The following CHAMP1 variants were observed in gnomAD, a reference collection of about 807,000 sequenced individuals.
CHAMP1 encodes the protein chromosome alignment maintaining phosphoprotein 1.
CHAMP1 carries 4 observed loss-of-function variants against 54.5 expected under a neutral mutation model. The ratio of observed to expected loss-of-function variants is 0.07; its 90% confidence interval spans 0.04 to 0.17. The LOEUF is 0.17. Ranked by LOEUF, CHAMP1 falls within the 10% of genes least tolerant of loss-of-function variation. The probability of loss-of-function intolerance (pLI) is 1.00; values close to 1 mark genes in which losing one functional copy is unlikely to be tolerated. For synonymous variants in CHAMP1, 368 were observed against 342.2 expected, an observed-to-expected ratio of 1.08 and a Z score of -0.83; for missense variants, 994 against 968.6, an observed-to-expected ratio of 1.03 and a Z score of -0.35.
At chr13:114,318,857 CTTTTTTTTTTTT>C (rs56669844) in intron 1 of CHAMP1, among the ~76,000 whole-genome samples, 11 of 24,158 alleles carry the variant, frequency 4.6e-4, no homozygotes, top group Admixed American at 5.4e-4. Context: ...TCCTGGTTGC[CTTTTTTTTTTTT>C]TTTTTTTTTT....
At chr13:114,316,404 C>T (rs1341515517) in intron 1 of CHAMP1, among the ~76,000 whole-genome samples, 1 of 151,656 alleles carries the variant, frequency 6.6e-6, no homozygotes, top group East Asian at 2.0e-4. Flanking sequence ...CTTAGGTGAT[C>T]CGCCCACCTT....
At chr13:114,315,208 A>G (rs2087080841) in intron 1 of CHAMP1, among the ~76,000 whole-genome samples, 1 of 152,182 alleles carries the variant, frequency 6.6e-6, no homozygotes, top group Admixed American at 6.5e-5. Context: ...GGAAATGCAG[A>G]TGAAAACCAC....
chr13:114,314,505 G>T lies in CHAMP1; in HGVS notation c.-317G>T, dbSNP rs2087068901. ...GTCCCGCGGGAGCGCGCACGCTCGC[G>T]CACCCGGATCCCGGCTCCTGCATCC... On this transcript the variant is annotated 5_prime_UTR_variant, in exon 1 of 3. Coordinates refer to ENST00000361283, the MANE Select transcript of CHAMP1 (RefSeq NM_032436.4). 1 of 151,768 alleles carries T rather than the reference G, an allele frequency of 6.6e-6. No individual in the cohort carries two copies. Among genetic ancestry groups the T allele is most frequent in the South Asian group, 2.1e-4 (1 of 4,836 alleles). 9.4% of individuals were successfully genotyped at this position (151,768 alleles called of 1,614,324 possible).
chr13:114,325,853 A>G lies in CHAMP1; in HGVS notation c.2011A>G (p.Met671Val), dbSNP rs782333083. 1 of 1,614,188 alleles carries G rather than the reference A, an allele frequency of 6.2e-7. No individual in the cohort carries two copies. The highest frequency in any genetic ancestry group is 2.2e-5 in the East Asian group (1 of 44,878). The change falls in exon 3 of 3, where the codon ATG becomes GTG. Residue 671 changes from methionine (M) to valine (V), a missense_variant. Coordinates refer to ENST00000361283, the MANE Select transcript of CHAMP1 (RefSeq NM_032436.4). ...CATTGATTTTAGCAAAGAGAACAAA[A>G]TGGACATGACTAGTCCAGAGCAGTC... Reference protein sequence around the residue: ...ESIDFSKENKMDMTSPEQSRN... With the variant: ...ESIDFSKENKVDMTSPEQSRN...
chr13:114,326,292 T>C lies in CHAMP1; in HGVS notation c.*11T>C. On this transcript the variant is annotated 3_prime_UTR_variant, in exon 3 of 3. Transcript: ENST00000361283. ...GAGCAGCAAATTTGATAACACAGTGTGAATATTTGTTCTACAAAGGTGTTT... is the reference window on the plus strand; with the variant it reads ...GAGCAGCAAATTTGATAACACAGTGCGAATATTTGTTCTACAAAGGTGTTT... 1 of 1,550,692 alleles carries C rather than the reference T, an allele frequency of 6.4e-7. No homozygotes were observed. The highest frequency in any genetic ancestry group is 1.3e-5 in the South Asian group (1 of 79,922).
chr13:114,325,201 T>C lies in CHAMP1; in HGVS notation c.1359T>C (p.Pro453=), dbSNP rs782609105. 1 of 1,614,214 alleles carries C rather than the reference T, an allele frequency of 6.2e-7. No individual in the cohort carries two copies. Among genetic ancestry groups the C allele is most frequent in the South Asian group, 1.1e-5 (1 of 91,090 alleles). ...CACCAGATCTTTGGAAGCTTTCTCC[T>C]GATCAGCGGAAAACTTCTCCTGCTT... is the stretch of plus-strand genomic sequence containing the variant. ...SGSPDLWKLS[P]DQRKTSPASL... Residue 453 remains proline (P), a synonymous_variant, in exon 3 of 3, where the codon CCT becomes CCC. Transcript: ENST00000361283.
intron 1 of CHAMP1, among the ~76,000 whole-genome samples, chr13:114,317,511 C>G (rs1446450456): frequency 1.7e-4 from 26 of 152,010 alleles, no homozygotes; most frequent in Admixed American, 1.7e-3. Context: ...ATGGTCCCAG[C>G]TACTTAGGAG....
Position 114,325,460 on chromosome 13 carries a change from C to G in CHAMP1, c.1618C>G (p.Pro540Ala), listed in dbSNP as rs1413552622. The change falls in exon 3 of 3, where the codon CCT becomes GCT. Residue 540 changes from proline to alanine, a missense_variant. Pro to Ala is a conservative substitution (Grantham distance 27). Around this residue, in one of 3 missense-constraint regions of CHAMP1, gnomAD observed 851 missense variants for 701.3 expected, o/e 1.21. Coordinates refer to ENST00000361283, the MANE Select transcript of CHAMP1 (RefSeq NM_032436.4). ...LFPEPAKTAP[P>A]ASPEARKRAL... is the part of the protein sequence containing the mutation. ...TCCCGAGCCTGCCAAAACAGCCCCT[C>G]CTGCTTCTCCAGAAGCACGCAAACG... 2.5e-6 allele frequency: 4 copies of G among 1,614,034 alleles called. No individual in the cohort carries two copies.
intron 1 of CHAMP1, among the ~76,000 whole-genome samples, chr13:114,318,098 T>C (rs775151574): frequency 1.3e-5 from 2 of 152,178 alleles, no homozygotes; most frequent in Non-Finnish European, 2.9e-5. Context: ...TGTAACATCT[T>C]CGTGGATCGT....
intron 1 of CHAMP1, among the ~76,000 whole-genome samples, chr13:114,316,422 C>A (rs1442190016): frequency 6.6e-6 from 1 of 151,742 alleles, no homozygotes; most frequent in Admixed American, 6.5e-5. Flanking sequence ...CTTGGCCTCC[C>A]AAAGTGCTGG....
In CHAMP1 at chr13:114,325,043, G is replaced by T; in HGVS notation, c.1201G>T (p.Ala401Ser). The change falls in exon 3 of 3, where the codon GCT becomes TCT. Residue 401 changes from alanine to serine, a missense_variant. By Grantham distance (99) the Ala-to-Ser change is moderately conservative. Around this residue, in one of 3 missense-constraint regions of CHAMP1, gnomAD observed 851 missense variants for 701.3 expected, o/e 1.21. Coordinates refer to ENST00000361283, the MANE Select transcript of CHAMP1 (RefSeq NM_032436.4). Reference sequence around the variant, plus strand: ...TGGCCCACCAGAACTCCGAAAGACAGCTCCCACGTTGTCTCCTGAACATTG... The same window carrying T: ...TGGCCCACCAGAACTCCGAAAGACATCTCCCACGTTGTCTCCTGAACATTG... ...KSGPPELRKTAPTLSPEHWKA... is the reference protein window; with the variant it reads ...KSGPPELRKTSPTLSPEHWKA... 6.2e-7 allele frequency: 1 copy of T among 1,614,110 alleles called. No individual in the cohort carries two copies. Among genetic ancestry groups the T allele is most frequent in the Non-Finnish European group, 8.5e-7 (1 of 1,180,022 alleles).
chr13:114,324,622 C>T lies in CHAMP1; in HGVS notation c.780C>T (p.Ser260=), dbSNP rs1555379548. The change falls in exon 3 of 3, where the codon TCC becomes TCT. Residue 260 remains serine, a synonymous_variant. Transcript: ENST00000361283. The part of the protein sequence containing the change: ...LAASPEPWGP[S]PAASPESRKS... ...CTTCCCCAGAACCTTGGGGACCATC[C>T]CCAGCTGCATCTCCAGAATCTCGGA... The T allele has an allele frequency of 6.2e-7, 1 of 1,614,130 alleles. No individual in the cohort carries two copies. Among genetic ancestry groups the T allele is most frequent in the Admixed American group, 1.7e-5 (1 of 60,020 alleles).
intron 2 of CHAMP1, chr13:114,322,140 A>G (rs1555379174): frequency 6.6e-6 from 1 of 151,130 alleles, no homozygotes; most frequent in African/African-American, 2.4e-5. Flanking sequence ...TTCTGGTCCA[A>G]GCGATTGGCC....
rs1270395429 is a variant in CHAMP1, at chr13:114,325,122, C to T, written c.1280C>T (p.Ser427Phe). 19 of 1,614,026 alleles carry T rather than the reference C, an allele frequency of 1.2e-5. No homozygotes were observed. Among genetic ancestry groups the T allele is most frequent in the Non-Finnish European group, 1.6e-5 (19 of 1,180,042 alleles). ...CTTCGCAAACCCGGCCCACCACTATCCCCAGAGATCCGTAGTCCAGCAGGA... is the reference window on the plus strand; with the variant it reads ...CTTCGCAAACCCGGCCCACCACTATTCCCAGAGATCCGTAGTCCAGCAGGA... Reference protein sequence around the residue: ...PELRKPGPPLSPEIRSPAGSP... With the variant: ...PELRKPGPPLFPEIRSPAGSP... Residue 427 changes from serine (S) to phenylalanine (F), a missense_variant, in exon 3 of 3, where the codon TCC (serine) becomes TTC (phenylalanine). Physicochemically the swap from Ser to Phe is radical, Grantham distance 155 (BLOSUM62 -2). Coordinates refer to ENST00000361283, the MANE Select transcript of CHAMP1 (RefSeq NM_032436.4).
intron 1 of CHAMP1, among the ~76,000 whole-genome samples, chr13:114,318,365 T>C (rs1480028599): frequency 6.6e-6 from 1 of 151,672 alleles, no homozygotes; most frequent in African/African-American, 2.4e-5. Flanking sequence ...CTCTGTCATC[T>C]AGGCTGGAGT....
chr13:114,327,030 C>G lies in CHAMP1; in HGVS notation c.*749C>G, dbSNP rs2087260210. On this transcript the variant is annotated 3_prime_UTR_variant, in exon 3 of 3. Transcript: ENST00000361283. ...CCACCCCCCACCCACCGCCTGCCAG[C>G]TCACACTAATAGATGATTCTTAATT... 7.0e-6 allele frequency: 1 copy of G among 142,342 alleles called. No individual in the cohort carries two copies. The highest frequency in any genetic ancestry group is 2.9e-5 in the African/African-American group (1 of 34,080). 8.8% of individuals were successfully genotyped at this position (142,342 alleles called of 1,614,324 possible). A position where few individuals can be genotyped will look rare whatever the true frequency, so the allele number is the denominator to read the frequency against.
Position 114,324,760 on chromosome 13 carries a change from T to C in CHAMP1, c.918T>C (p.Ala306=), listed in dbSNP as rs1555379585. ...CAGAGCCTAGGAGACCAGCCCCCGC[T>C]GTGTCACCAGGCTCTTGGAAACCAG... is the stretch of plus-strand genomic sequence containing the variant. ...VSPEPRRPAP[A]VSPGSWKPGP... is the part of the protein sequence containing the mutation. The change falls in exon 3 of 3, where the codon GCT becomes GCC. Residue 306 remains alanine (A), a synonymous_variant. Coordinates refer to ENST00000361283, the MANE Select transcript of CHAMP1 (RefSeq NM_032436.4). The C allele has an allele frequency of 6.2e-7, 1 of 1,614,016 alleles. No individual in the cohort carries two copies. Among genetic ancestry groups the C allele is most frequent in the East Asian group, 2.2e-5 (1 of 44,876 alleles).
chr13:114,315,872 C>G (rs570769387), intron 1 of CHAMP1, among the ~76,000 whole-genome samples: 1 of 143,110 alleles, frequency 7.0e-6, no homozygotes, highest in Admixed American at 7.1e-5. Flanking sequence ...GTTTCGCTCT[C>G]GTTGCCCAGG....
intron 1 of CHAMP1, among the ~76,000 whole-genome samples, chr13:114,315,304 C>T (rs566021082): frequency 2.6e-5 from 4 of 152,032 alleles, no homozygotes; most frequent in Non-Finnish European, 4.4e-5. Flanking sequence ...AATTGAAGCT[C>T]GGGTGCATTG....
Sources: gnomAD v4.1 joint callset for allele counts (sites outside exome capture counted in the v4.1 genomes callset) on GRCh38, gnomAD v4.1.1 for gene constraint, gnomAD v4.1.1 regional missense constraint, MANE v1.5 for transcripts, NCBI Gene and HGNC (gene_info 2026-07-23, HGNC 2026-07-21) for gene names.